The following PLD1 variants were observed in gnomAD, a reference collection of about 807,000 sequenced individuals.
PLD1 encodes choline phosphatase 1.
In PLD1, 112 loss-of-function variants were observed where a neutral mutation model predicts 137.1. That is an observed-to-expected ratio of 0.82 (90% CI 0.70 to 0.96). PLD1 has a LOEUF of 0.96. PLD1 is among the 40% of genes least tolerant of loss of function. The probability of loss-of-function intolerance (pLI) is 0.00; values close to 1 mark genes in which losing one functional copy is unlikely to be tolerated. For missense variants in PLD1, 1,321 were observed against 1,342.0 expected (o/e 0.98, Z 0.24); for synonymous variants, 431 against 454.7 (o/e 0.95, Z 0.66).
In PLD1 at chr3:171,718,030, A is replaced by G. The variant is rs147033991; in HGVS notation, c.759-3985T>C. Among the ~76,000 whole-genome samples, 186 of 152,358 alleles carry G rather than the reference A, an allele frequency of 1.2e-3. 2 individuals are homozygous for G. The highest frequency in any genetic ancestry group is 8.5e-3 in the Admixed American group (130 of 15,302). ...TCTGTTTATGTGATGAATCACATTT[A>G]TCAATTTGCATATGTTGAACCATAT... On this transcript the variant is annotated intron_variant, in intron 8 of 26. Coordinates refer to ENST00000351298, the MANE Select transcript of PLD1 (RefSeq NM_002662.5).
chr3:171,619,469 C>G (rs1733406113), intron 24 of PLD1, among the ~76,000 whole-genome samples: 1 of 152,130 alleles, frequency 6.6e-6, no homozygotes, highest in Non-Finnish European at 1.5e-5. Context: ...TGACTGCAGA[C>G]CTTAGTGCAG....
intron 20 of PLD1, among the ~76,000 whole-genome samples, chr3:171,659,662 C>T (rs1404209744): frequency 6.6e-6 from 1 of 152,134 alleles, no homozygotes; most frequent in Non-Finnish European, 1.5e-5. Flanking sequence ...TGTATAAATG[C>T]TTATGATTAA....
At chr3:171,760,730 GCC>G (rs1721335994) in intron 1 of PLD1, among the ~76,000 whole-genome samples, 1 of 152,176 alleles carries the variant, frequency 6.6e-6, no homozygotes, top group South Asian at 2.1e-4. Context: ...GCCTGAGTCA[GCC>G]TAGGATGGGA....
At chr3:171,613,715 G>A (rs1033455974) in intron 24 of PLD1, among the ~76,000 whole-genome samples, 1 of 151,714 alleles carries the variant, frequency 6.6e-6, no homozygotes, top group East Asian at 1.9e-4. Context: ...AAATCCAAGT[G>A]AGCTGAGAAT....
At chr3:171,627,194 G>C (rs1276284699) in intron 23 of PLD1, among the ~76,000 whole-genome samples, 2 of 152,054 alleles carry the variant, frequency 1.3e-5, no homozygotes, top group East Asian at 3.9e-4. Flanking sequence ...ACAAAAAAAA[G>C]GCAGGGGTTG....
At chr3:171,607,781 G>A (rs1011537487) in intron 25 of PLD1, among the ~76,000 whole-genome samples, 28 of 152,112 alleles carry the variant, frequency 1.8e-4, no homozygotes, top group African/African-American at 6.3e-4. Flanking sequence ...TTGAGTGATG[G>A]TTATATCTGC....
intron 19 of PLD1, among the ~76,000 whole-genome samples, chr3:171,665,986 T>C (rs1289826337): frequency 6.6e-6 from 1 of 152,224 alleles, no homozygotes; most frequent in African/African-American, 2.4e-5. Context: ...ATTCATTTAC[T>C]ACTATTCTAA....
intron 1 of PLD1, among the ~76,000 whole-genome samples, chr3:171,753,716 C>T (rs991573954): frequency 3.2e-4 from 49 of 152,046 alleles, no homozygotes; most frequent in African/African-American, 9.7e-4. Context: ...CAACCGTCCT[C>T]TCATTATTTC....
intron 1 of PLD1, among the ~76,000 whole-genome samples, chr3:171,742,066 GAGAAGGT>G (rs1719819230): frequency 6.6e-6 from 1 of 152,124 alleles, no homozygotes; most frequent in Admixed American, 6.5e-5. Context: ...GAGTAGCTTA[GAGAAGGT>G]AGAAACTTGG....
intron 11 of PLD1, among the ~76,000 whole-genome samples, chr3:171,707,869 A>G (rs1716817330): frequency 6.6e-6 from 1 of 152,236 alleles, no homozygotes; most frequent in Admixed American, 6.5e-5. Context: ...CAGACAACCG[A>G]AGCAAAAGAT....
At chr3:171,755,385 T>C (rs146284557) in intron 1 of PLD1, among the ~76,000 whole-genome samples, 201 of 152,252 alleles carry the variant, frequency 1.3e-3, no homozygotes, top group African/African-American at 4.7e-3. Flanking sequence ...CACTTCCCCA[T>C]TCTTATCTCA....
intron 23 of PLD1, among the ~76,000 whole-genome samples, chr3:171,627,273 A>G (rs1214763377): frequency 6.6e-6 from 1 of 152,160 alleles, no homozygotes; most frequent in Admixed American, 6.5e-5. Context: ...AGGCCATTAC[A>G]TAATGGTAAA....
intron 21 of PLD1, chr3:171,654,082 CTT>C (rs1207110183): frequency 7.9e-6 from 3 of 379,114 alleles, no homozygotes; most frequent in African/African-American, 6.6e-5. Context: ...GGGCGGATCA[CTT>C]GAGGTTAGGA....
At chr3:171,807,797 C>T (rs139276773) in intron 1 of PLD1, among the ~76,000 whole-genome samples, 162 of 152,252 alleles carry the variant, frequency 1.1e-3, no homozygotes, top group African/African-American at 3.6e-3. Context: ...GCACTAGTCA[C>T]AATAGCAAAG....
chr3:171,749,481 A>T (rs9816933), intron 1 of PLD1, among the ~76,000 whole-genome samples: 61 of 152,128 alleles, frequency 4.0e-4, no homozygotes, highest in African/African-American at 1.0e-3. Context: ...AAAACTGTAC[A>T]TAAAAATTAT....
At chr3:171,806,157 CGTAA>C (rs146466407) in intron 1 of PLD1, among the ~76,000 whole-genome samples, 3,363 of 152,302 alleles carry the variant, frequency 0.022, 126 homozygotes, top group African/African-American at 0.076. Flanking sequence ...GTAAACACCA[CGTAA>C]GTGTTTATTA....
chr3:171,705,065 C>T (rs1431913027), intron 11 of PLD1, among the ~76,000 whole-genome samples: 2 of 152,208 alleles, frequency 1.3e-5, no homozygotes, highest in Non-Finnish European at 2.9e-5. Context: ...CTCTGGCTCA[C>T]CTCCTGTTGC....
chr3:171,703,917 C>T (rs1347966263), intron 11 of PLD1, among the ~76,000 whole-genome samples: 1 of 152,188 alleles, frequency 6.6e-6, no homozygotes, highest in Non-Finnish European at 1.5e-5. Flanking sequence ...AATCTCCTCT[C>T]CAATGGAGAT....
At chr3:171,653,869 G>A (rs970970824) in intron 21 of PLD1, 15 of 175,428 alleles carry the variant, frequency 8.6e-5, no homozygotes, top group Middle Eastern at 2.6e-3. Context: ...AAGAAACAGC[G>A]TGTCAGAAGG....
Sources: allele counts gnomAD v4.1 joint callset (sites outside exome capture counted in the v4.1 genomes callset), GRCh38; gene constraint gnomAD v4.1.1; transcripts MANE v1.5; gene names NCBI Gene and HGNC (gene_info 2026-07-23, HGNC 2026-07-21).